The following PPP3CB variants were observed in gnomAD, a reference collection of about 807,000 sequenced individuals.
PPP3CB encodes protein phosphatase 3 catalytic subunit beta, also known as serine/threonine-protein phosphatase 2B catalytic subunit beta isoform.
PPP3CB carries 8 observed loss-of-function variants against 66.4 expected under a neutral mutation model. The ratio of observed to expected loss-of-function variants is 0.12; its 90% confidence interval spans 0.07 to 0.22. The LOEUF (loss-of-function observed/expected upper bound fraction) is 0.22. Among genes scored for constraint, PPP3CB ranks in the 10% least tolerant of loss-of-function variants. The probability of loss-of-function intolerance (pLI) is 1.00; values close to 1 mark genes in which losing one functional copy is unlikely to be tolerated. For missense variants in PPP3CB, 319 were observed against 642.5 expected, an observed-to-expected ratio of 0.50 and a Z score of 5.44; for synonymous variants, 208 against 221.2, an observed-to-expected ratio of 0.94 and a Z score of 0.53.
chr10:73,460,143 G>A (rs1257300565), intron 9 of PPP3CB, among the ~76,000 whole-genome samples: 1 of 151,792 alleles, frequency 6.6e-6, no homozygotes, highest in African/African-American at 2.4e-5. Context: ...ACTTTGTGTT[G>A]ACAGGTTAAG....
At chr10:73,455,468 ATTTACAG>A (rs1375273270) in intron 9 of PPP3CB, among the ~76,000 whole-genome samples, 1 of 152,086 alleles carries the variant, frequency 6.6e-6, no homozygotes, top group Non-Finnish European at 1.5e-5. Flanking sequence ...CTATTATCAT[ATTTACAG>A]TTTCAATTAT....
At chr10:73,463,666 G>A (rs957880841) in intron 9 of PPP3CB, among the ~76,000 whole-genome samples, 5 of 152,066 alleles carry the variant, frequency 3.3e-5, no homozygotes, top group Admixed American at 2.0e-4. Context: ...CTTTTGAGAC[G>A]GAGTCTCACT....
intron 1 of PPP3CB, among the ~76,000 whole-genome samples, chr10:73,492,215 AAAT>A (rs1267686752): frequency 6.6e-6 from 1 of 152,206 alleles, no homozygotes; most frequent in Non-Finnish European, 1.5e-5. Context: ...CCATGAAATA[AAAT>A]AATGTTAAGA....
intron 13 of PPP3CB, among the ~76,000 whole-genome samples, chr10:73,439,454 C>T (rs550813939): frequency 4.5e-4 from 68 of 152,230 alleles, no homozygotes; most frequent in Middle Eastern, 3.4e-3. Context: ...AAACTCACAC[C>T]TATACCTAGA....
intron 9 of PPP3CB, among the ~76,000 whole-genome samples, chr10:73,457,289 A>G (rs1447912749): frequency 6.7e-6 from 1 of 149,092 alleles, no homozygotes; most frequent in East Asian, 1.9e-4. Flanking sequence ...AAAAAAAAAA[A>G]AGCTAGTCAT....
chr10:73,486,518 T>A (rs2056981379), intron 1 of PPP3CB, among the ~76,000 whole-genome samples: 1 of 150,618 alleles, frequency 6.6e-6, no homozygotes, highest in Admixed American at 6.6e-5. Flanking sequence ...TTGGTCAGGC[T>A]GGTCTTGAAC....
intron 8 of PPP3CB, among the ~76,000 whole-genome samples, chr10:73,470,411 TTGAGAAAATCA>T (rs1302307196): frequency 3.9e-5 from 6 of 152,242 alleles, no homozygotes; most frequent in Middle Eastern, 3.4e-3. Context: ...AAAGGGGAGT[TTGAGAAAATCA>T]TGTTTGGTTT....
chr10:73,442,878 G>C (rs978437127), intron 12 of PPP3CB, among the ~76,000 whole-genome samples: 1 of 151,734 alleles, frequency 6.6e-6, no homozygotes, highest in African/African-American at 2.4e-5. Context: ...TTGTTTACAG[G>C]AAAAAAATTT....
chr10:73,471,714 C>T (rs771786147), intron 4 of PPP3CB, 101 bp from the exon 5 acceptor site: 51 of 879,090 alleles, frequency 5.8e-5, no homozygotes, highest in Non-Finnish European at 7.6e-5. Context: ...CTCTCCCCTC[C>T]TTTATATCTT....
intron 12 of PPP3CB, among the ~76,000 whole-genome samples, chr10:73,443,234 C>G (rs895826189): frequency 4.0e-5 from 4 of 101,072 alleles, no homozygotes; most frequent in East Asian, 5.3e-4. Flanking sequence ...AAAAGAAAGA[C>G]AGAGAGAGAG....
chr10:73,442,780 A>T (rs1250362670), intron 12 of PPP3CB, among the ~76,000 whole-genome samples: 2 of 151,996 alleles, frequency 1.3e-5, no homozygotes, highest in Non-Finnish European at 2.9e-5. Context: ...TAATTTCAAA[A>T]CACAGTGTAC....
chr10:73,488,460 C>G (rs752516040), intron 1 of PPP3CB, among the ~76,000 whole-genome samples: 10 of 150,528 alleles, frequency 6.6e-5, no homozygotes, highest in Non-Finnish European at 1.5e-4. Context: ...GTTGGGGGAT[C>G]GCTTGAGCCC....
At chr10:73,461,495 T>C (rs1036024964) in intron 9 of PPP3CB, among the ~76,000 whole-genome samples, 1 of 152,168 alleles carries the variant, frequency 6.6e-6, no homozygotes, top group Non-Finnish European at 1.5e-5. Context: ...GGTTTCAGAC[T>C]TGCATAGTGT....
chr10:73,455,841 A>T (rs890926041), intron 9 of PPP3CB, among the ~76,000 whole-genome samples: 9 of 152,180 alleles, frequency 5.9e-5, no homozygotes, highest in Admixed American at 5.2e-4. Context: ...AAGTGCTGGG[A>T]TTACAGGCGT....
rs146854485 is a variant in PPP3CB, at chr10:73,447,341, A to G, written c.1187-768T>C. On this transcript the variant is annotated intron_variant, in intron 10 of 13. Transcript: ENST00000360663. ...CTGATGTAGAAGAGAATAAACCAAA[A>G]TAACTAAATCCTTGGCTGAAGAATG... Among the ~76,000 whole-genome samples, 68 of 152,360 alleles carry G rather than the reference A, an allele frequency of 4.5e-4. 1 individual carries two copies. The East Asian group carries it at 0.011, about 25-fold the overall frequency.
At chr10:73,456,193 C>G (rs1033356035) in intron 9 of PPP3CB, among the ~76,000 whole-genome samples, 10 of 152,086 alleles carry the variant, frequency 6.6e-5, no homozygotes, top group African/African-American at 2.4e-4. Context: ...CTAAAAGCAC[C>G]CCACATGTCA....
intron 1 of PPP3CB, among the ~76,000 whole-genome samples, chr10:73,491,297 G>A (rs969648572): frequency 2.0e-5 from 3 of 151,884 alleles, no homozygotes. Flanking sequence ...CCAAAGTGCT[G>A]GGATTACAGG....
At chr10:73,454,625 G>A (rs1461965335) in intron 9 of PPP3CB, 136 bp from the exon 10 acceptor site, 5 of 453,066 alleles carry the variant, frequency 1.1e-5, no homozygotes, top group Admixed American at 4.2e-5. Flanking sequence ...AAGATCGATG[G>A]AATTTAAAAA....
At chr10:73,487,579 A>AC (rs1564570335) in intron 1 of PPP3CB, among the ~76,000 whole-genome samples, 2 of 151,160 alleles carry the variant, frequency 1.3e-5, no homozygotes, top group African/African-American at 4.9e-5. Context: ...AAAAAAAAAA[A>AC]AAAAACAAAC....
Sources: gnomAD v4.1 joint callset for allele counts (sites outside exome capture counted in the v4.1 genomes callset) on GRCh38, gnomAD v4.1.1 for gene constraint, MANE v1.5 for transcripts, NCBI Gene and HGNC (gene_info 2026-07-23, HGNC 2026-07-21) for gene names.